Variants in MYOCD observed in about 807,000 individuals in gnomAD.
MYOCD encodes myocardin.
A neutral mutation model predicts 96.1 loss-of-function variants in MYOCD; 32 were observed. That is an observed-to-expected ratio of 0.33 (90% confidence interval 0.25 to 0.45). The LOEUF is 0.45. Among genes scored for constraint, MYOCD ranks in the 20% least tolerant of loss-of-function variants. MYOCD has a pLI of 1.00. For synonymous variants in MYOCD, 469 were observed against 469.0 expected (o/e 1.00, Z 0.00); for missense variants, 1,133 against 1,200.6 (o/e 0.94, Z 0.83).
intron 1 of MYOCD, among the ~76,000 whole-genome samples, chr17:12,666,906 G>T (rs1909410266): frequency 6.6e-6 from 1 of 152,150 alleles, no homozygotes. Flanking sequence ...AGGGAGAGAC[G>T]GGAGCTCTAA....
chr17:12,763,589 A>G lies in MYOCD; in HGVS notation c.2906A>G (p.Asp969Gly). Residue 969 changes from aspartate (D) to glycine (G), a missense_variant, in exon 14 of 14, where the codon GAT (aspartate) becomes GGT (glycine). Physicochemically the swap from Asp to Gly is moderately conservative, Grantham distance 94. Coordinates refer to ENST00000425538, the MANE Select transcript of MYOCD (RefSeq NM_001146312.3). ...AGCATCTTCAACATCGATTTCCTGGATGTCACTGATCTCAATTTGAATTCT... is the reference window on the plus strand; with the variant it reads ...AGCATCTTCAACATCGATTTCCTGGGTGTCACTGATCTCAATTTGAATTCT... ...SPSIFNIDFL[D>G]VTDLNLNSSM... 2.5e-6 allele frequency: 4 copies of G among 1,614,052 alleles called. No homozygotes were observed. Among genetic ancestry groups the G allele is most frequent in the Non-Finnish European group, 3.4e-6 (4 of 1,180,006 alleles).
intron 5 of MYOCD, among the ~76,000 whole-genome samples, chr17:12,729,616 C>T (rs1039246355): frequency 4.6e-5 from 7 of 151,600 alleles, no homozygotes; most frequent in East Asian, 2.0e-4. Flanking sequence ...TTGCTCTTGT[C>T]GCCCAGGCTG....
intron 1 of MYOCD, among the ~76,000 whole-genome samples, chr17:12,703,249 G>T (rs192451599): frequency 7.9e-5 from 12 of 151,920 alleles, no homozygotes; most frequent in African/African-American, 2.9e-4. Flanking sequence ...ATAATATGTT[G>T]TGTCTCCCCC....
chr17:12,745,902 CTT>C lies in MYOCD; in HGVS notation c.972-15_972-14del, dbSNP rs1258570180. 3 of 1,612,978 alleles carry C rather than the reference CTT, an allele frequency of 1.9e-6. No homozygotes were observed. Among genetic ancestry groups the C allele is most frequent in the Non-Finnish European group, 1.7e-6 (2 of 1,179,738 alleles). ...ATATTTGATTGTACTTGAAATGCCT[CTT>C]TGTTTGTTTTTTAGGGAACCAAATG... On this transcript the variant is annotated splice_polypyrimidine_tract_variant and intron_variant, in intron 8 of 13. Transcript: ENST00000425538.
chr17:12,735,890 C>T (rs1448023055), intron 5 of MYOCD, among the ~76,000 whole-genome samples: 4 of 152,078 alleles, frequency 2.6e-5, no homozygotes, highest in Non-Finnish European at 5.9e-5. Flanking sequence ...CATATGGGTT[C>T]CCAAAGAAAA....
intron 2 of MYOCD, among the ~76,000 whole-genome samples, chr17:12,712,984 G>A (rs1050429937): frequency 2.0e-5 from 3 of 152,080 alleles, no homozygotes; most frequent in Non-Finnish European, 2.9e-5. Context: ...TAAAACCCAC[G>A]GTCTCTGAAG....
At chr17:12,747,980 C>T (rs144953267) in intron 9 of MYOCD, among the ~76,000 whole-genome samples, 9,615 of 150,454 alleles carry the variant, frequency 0.064, 355 homozygotes, top group Middle Eastern at 0.12. Flanking sequence ...CTGACCAACA[C>T]GGTGAAACCC....
chr17:12,707,071 C>T (rs1026817974), intron 2 of MYOCD, among the ~76,000 whole-genome samples: 1 of 152,212 alleles, frequency 6.6e-6, no homozygotes, highest in African/African-American at 2.4e-5. Context: ...ACCTTTTCTA[C>T]TTAGCTCTTC....
chr17:12,727,520 C>T (rs1305648464), intron 5 of MYOCD, among the ~76,000 whole-genome samples: 1 of 152,164 alleles, frequency 6.6e-6, no homozygotes, highest in Non-Finnish European at 1.5e-5. Flanking sequence ...CACTGTGTAT[C>T]ATTCTTCCAG....
chr17:12,738,695 T>G (rs927106835), intron 6 of MYOCD, among the ~76,000 whole-genome samples: 3 of 152,046 alleles, frequency 2.0e-5, no homozygotes, highest in Non-Finnish European at 4.4e-5. Context: ...CTTTTTCTGC[T>G]AACATCCTTT....
At chr17:12,757,826 A>C (rs1597815145) in intron 11 of MYOCD, among the ~76,000 whole-genome samples, 2 of 152,100 alleles carry the variant, frequency 1.3e-5, no homozygotes, top group Admixed American at 1.3e-4. Context: ...ACTGTTACTT[A>C]TTTTCCCCTA....
chr17:12,722,716 G>T, intron 4 of MYOCD, 131 bp from the exon 5 acceptor site: 1 of 696,618 alleles, frequency 1.4e-6, no homozygotes. Context: ...GATGATGATT[G>T]CATCGAAAAA....
intron 4 of MYOCD, 38 bp downstream of exon 4, chr17:12,717,459 A>G (rs778335241): frequency 6.6e-7 from 1 of 1,525,996 alleles, no homozygotes. Flanking sequence ...GAGATGCTGC[A>G]GAATGGTGGG....
chr17:12,753,016 C>A lies in MYOCD; in HGVS notation c.1728C>A (p.Val576=), dbSNP rs1363905185. The A allele has an allele frequency of 6.2e-7, 1 of 1,614,044 alleles. No individual in the cohort carries two copies. Among genetic ancestry groups the A allele is most frequent in the East Asian group, 2.2e-5 (1 of 44,878 alleles). Reference sequence around the variant, plus strand: ...CCTCCATCAAGCAGGAAGAGGCTGTCTCCAGCTGTCCTTTTGCATCCCAAG... The same window carrying A: ...CCTCCATCAAGCAGGAAGAGGCTGTATCCAGCTGTCCTTTTGCATCCCAAG... The part of the protein sequence containing the change: ...LAASIKQEEA[V]SSCPFASQVP... The change falls in exon 10 of 14, where the codon GTC becomes GTA. Residue 576 remains valine (V), a synonymous_variant. Transcript: ENST00000425538.
rs1428315103 is a variant in MYOCD, at chr17:12,764,273, G to A, written c.*629G>A. 1 of 152,160 alleles carries A rather than the reference G, an allele frequency of 6.6e-6. No individual in the cohort carries two copies. The highest frequency in any genetic ancestry group is 1.5e-5 in the Non-Finnish European group (1 of 68,066). 9.4% of individuals were successfully genotyped at this position (152,160 alleles called of 1,614,324 possible). A position where few individuals can be genotyped will look rare whatever the true frequency, so the allele number is the denominator to read the frequency against. On this transcript the variant is annotated 3_prime_UTR_variant, in exon 14 of 14. Transcript: ENST00000425538. ...TGGAGTGGTTCTGAACCTGTACCCA[G>A]GACTCGATGTGGTCACTAATAACAA...
chr17:12,705,200 A>C lies in MYOCD; in HGVS notation c.121+7A>C. ...AACCAAGGCATAATACCACGTGAGTACCTGCATCTCTTAATTACTGATATA... is the reference window on the plus strand; with the variant it reads ...AACCAAGGCATAATACCACGTGAGTCCCTGCATCTCTTAATTACTGATATA... On this transcript the variant is annotated splice_region_variant and intron_variant, in intron 2 of 13. Coordinates refer to ENST00000425538, the MANE Select transcript of MYOCD (RefSeq NM_001146312.3). The C allele has an allele frequency of 6.2e-7, 1 of 1,605,912 alleles. No homozygotes were observed. Among genetic ancestry groups the C allele is most frequent in the Non-Finnish European group, 8.5e-7 (1 of 1,172,698 alleles).
At chr17:12,735,951 C>T (rs187055249) in intron 5 of MYOCD, among the ~76,000 whole-genome samples, 5 of 152,276 alleles carry the variant, frequency 3.3e-5, no homozygotes, top group Non-Finnish European at 7.3e-5. Context: ...TGATGATAGA[C>T]CTTTGATAGA....
intron 5 of MYOCD, among the ~76,000 whole-genome samples, chr17:12,728,916 C>T (rs1472941187): frequency 6.6e-6 from 1 of 152,214 alleles, no homozygotes; most frequent in Non-Finnish European, 1.5e-5. Flanking sequence ...AGAAGTCACC[C>T]ATTTCTATCA....
chr17:12,753,896 A>G (rs2032934220), intron 10 of MYOCD, among the ~76,000 whole-genome samples: 1 of 152,198 alleles, frequency 6.6e-6, no homozygotes. Context: ...AGCACCTACT[A>G]TGTGCCAGGC....
Sources: allele counts gnomAD v4.1 joint callset (sites outside exome capture counted in the v4.1 genomes callset), GRCh38; gene constraint gnomAD v4.1.1; transcripts MANE v1.5; gene names NCBI Gene and HGNC (gene_info 2026-07-23, HGNC 2026-07-21).